Variants in UGT2B7 observed in about 807,000 individuals in gnomAD.
UGT2B7 encodes the protein UDP-glucuronosyltransferase 2B7.
UGT2B7 carries 51 observed loss-of-function variants against 51.9 expected under a neutral mutation model. The ratio of observed to expected loss-of-function variants is 0.98; its 90% confidence interval spans 0.78 to 1.24. The LOEUF is 1.24. Ranked by LOEUF, UGT2B7 falls within the 50% of genes most tolerant of loss-of-function variation. UGT2B7 has a pLI of 0.00. For missense variants in UGT2B7, 727 were observed against 628.4 expected, an observed-to-expected ratio of 1.16 and a Z score of -1.68; for synonymous variants, 225 against 211.6, an observed-to-expected ratio of 1.06 and a Z score of -0.55.
upstream of UGT2B7, chr4:69,096,371 C>A: frequency 8.0e-7 from 1 of 1,257,732 alleles, no homozygotes; most frequent in Non-Finnish European, 1.1e-6. Context: ...TTGCCATCCA[C>A]ATGCTCAGAC....
intron 1 of UGT2B7, among the ~76,000 whole-genome samples, chr4:69,064,116 GAAA>G (rs1718435255): frequency 1.4e-5 from 2 of 141,198 alleles, no homozygotes; most frequent in African/African-American, 2.8e-5. Context: ...GAAAGAAAAA[GAAA>G]GAAAGAAAGA....
chr4:69,066,903 G>C (rs557739716), intron 1 of UGT2B7, among the ~76,000 whole-genome samples: 1 of 151,894 alleles, frequency 6.6e-6, no homozygotes, highest in African/African-American at 2.4e-5. Flanking sequence ...GTAAATCCTC[G>C]GTCTTTATCA....
chr4:69,056,282 C>T (rs890053514), intron 1 of UGT2B7, among the ~76,000 whole-genome samples: 1 of 152,178 alleles, frequency 6.6e-6, no homozygotes, highest in African/African-American at 2.4e-5. Flanking sequence ...ACTAGACCCC[C>T]ATCTAAATGC....
At chr4:69,086,096 TTAAGA>T (rs1380477695) in intron 1 of UGT2B7, among the ~76,000 whole-genome samples, 1 of 151,810 alleles carries the variant, frequency 6.6e-6, no homozygotes, top group African/African-American at 2.4e-5. Flanking sequence ...GGTTGTTTAT[TTAAGA>T]TATTTCTGCA....
At chr4:69,090,054 A>T (rs906901295) in intron 2 of UGT2B7, among the ~76,000 whole-genome samples, 1 of 152,174 alleles carries the variant, frequency 6.6e-6, no homozygotes, top group African/African-American at 2.4e-5. Flanking sequence ...GTACTTGGGT[A>T]TAAAAGTAGA....
intron 1 of UGT2B7, among the ~76,000 whole-genome samples, chr4:69,068,649 T>A (rs964545410): frequency 2.0e-5 from 3 of 151,996 alleles, no homozygotes; most frequent in Admixed American, 6.6e-5. Flanking sequence ...TTGTGTTATG[T>A]AACCCAATTG....
intron 1 of UGT2B7, among the ~76,000 whole-genome samples, chr4:69,073,155 TGA>T (rs1718635420): frequency 6.6e-6 from 1 of 152,134 alleles, no homozygotes; most frequent in Non-Finnish European, 1.5e-5. Context: ...TTTGTGATGC[TGA>T]GCCCATGAAT....
intron 1 of UGT2B7, 86 bp downstream of exon 1, chr4:69,097,327 G>A: frequency 2.0e-6 from 3 of 1,469,924 alleles, no homozygotes; most frequent in Non-Finnish European, 2.7e-6. Flanking sequence ...TAAAGTCAGG[G>A]TAGTGGGGTT....
At chr4:69,107,119 A>T in intron 3 of UGT2B7, 56 bp from the exon 4 acceptor site, 1 of 1,550,530 alleles carries the variant, frequency 6.4e-7, no homozygotes, top group Middle Eastern at 1.7e-4. Context: ...CAGTTCTCAC[A>T]TTCTATAACT....
chr4:69,091,505 G>C (rs6600877), upstream of UGT2B7, among the ~76,000 whole-genome samples: 87,705 of 151,890 alleles, frequency 0.58, 26,318 homozygotes, highest in African/African-American at 0.71. Context: ...TTTTTTGATT[G>C]CCGTAATAAA....
At chr4:69,055,619 A>G (rs894008807) in intron 1 of UGT2B7, among the ~76,000 whole-genome samples, 1 of 152,190 alleles carries the variant, frequency 6.6e-6, no homozygotes, top group African/African-American at 2.4e-5. Context: ...TGTTTTTGCA[A>G]TTAGCCGAAC....
intron 1 of UGT2B7, among the ~76,000 whole-genome samples, chr4:69,055,584 G>A (rs1380551242): frequency 3.3e-5 from 5 of 152,146 alleles, no homozygotes; most frequent in East Asian, 1.9e-4. Context: ...GCCAGTACCC[G>A]AGATTCCAGG....
At position 69,112,695 on chromosome 4, in the gene UGT2B7, T is replaced by C. The variant is rs765502022; in HGVS notation, c.1549T>C (p.Trp517Arg). 3.1e-6 allele frequency: 5 copies of C among 1,613,808 alleles called. No individual in the cohort carries two copies. The East Asian group carries it at 8.9e-5, about 29-fold the overall frequency. ...IVTKCCLFCF[W>R]KFARKAKKGK... The stretch of plus-strand genomic sequence containing the variant: ...CACAAAATGTTGTCTGTTTTGTTTC[T>C]GGAAGTTTGCTAGAAAAGCAAAGAA... Residue 517 changes from tryptophan (W) to arginine (R), a missense_variant, in exon 6 of 6, where the codon TGG becomes CGG. By Grantham distance (101) the Trp-to-Arg change is moderately radical. Coordinates refer to ENST00000305231, the MANE Select transcript of UGT2B7 (RefSeq NM_001074.4).
chr4:69,075,683 A>G (rs1268632829), intron 1 of UGT2B7, among the ~76,000 whole-genome samples: 1 of 152,130 alleles, frequency 6.6e-6, no homozygotes, highest in Non-Finnish European at 1.5e-5. Context: ...CACTCAGGCT[A>G]TGGGAGTTGT....
At chr4:69,069,910 G>A (rs1285462705) in intron 1 of UGT2B7, 2 of 152,094 alleles carry the variant, frequency 1.3e-5, no homozygotes, top group African/African-American at 4.8e-5. Context: ...ATCTAAGGCA[G>A]GCAGGCATGA....
upstream of UGT2B7, among the ~76,000 whole-genome samples, chr4:69,094,452 T>C (rs1472461907): frequency 1.3e-5 from 2 of 152,044 alleles, no homozygotes; most frequent in East Asian, 3.9e-4. Context: ...CCGGCCGGTT[T>C]CTAAGGCATA....
chr4:69,098,570 G>A lies in UGT2B7; in HGVS notation c.752G>A (p.Gly251Glu), dbSNP rs763465410. ...CCCACTACATTATCTGAGACAATGG[G>A]GAAAGCTGACGTATGGCTTATTCGA... ...GRPTTLSETM[G>E]KADVWLIRNS... The change falls in exon 2 of 6, where the codon GGG becomes GAG. Residue 251 changes from glycine (G) to glutamate (E), a missense_variant. Coordinates refer to ENST00000305231, the MANE Select transcript of UGT2B7 (RefSeq NM_001074.4). 2 of 1,610,482 alleles carry A rather than the reference G, an allele frequency of 1.2e-6. No individual in the cohort carries two copies. The highest frequency in any genetic ancestry group is 3.4e-5 in the Admixed American group (2 of 59,318).
chr4:69,100,032 G>A (rs1719373284), intron 2 of UGT2B7, among the ~76,000 whole-genome samples: 1 of 151,978 alleles, frequency 6.6e-6, no homozygotes, highest in African/African-American at 2.4e-5. Flanking sequence ...AATATTTGCA[G>A]ACAAACTTAG....
chr4:69,062,293 C>T (rs1718364500), intron 1 of UGT2B7, among the ~76,000 whole-genome samples: 2 of 152,122 alleles, frequency 1.3e-5, no homozygotes, highest in Admixed American at 6.5e-5. Flanking sequence ...CACCCCCAAT[C>T]ATAAGTCAGA....
Sources: allele counts gnomAD v4.1 joint callset (sites outside exome capture counted in the v4.1 genomes callset), GRCh38; gene constraint gnomAD v4.1.1; transcripts MANE v1.5; gene names NCBI Gene and HGNC (gene_info 2026-07-23, HGNC 2026-07-21).